DOCK10: variants seen among roughly 807,000 people sequenced by gnomAD.
The protein encoded by DOCK10 is dedicator of cytokinesis protein 10.
Under a neutral mutation model 280.1 loss-of-function variants are expected in DOCK10, and 145 were observed. The observed-to-expected ratio is 0.52, with a 90% CI of 0.45 to 0.59. The LOEUF is 0.59. Among genes scored for constraint, DOCK10 ranks in the 20% least tolerant of loss-of-function variants. The pLI is 0.00. For synonymous variants in DOCK10, 915 were observed against 942.2 expected, an observed-to-expected ratio of 0.97 and a Z score of 0.53; for missense variants, 2,368 against 2,651.7, an observed-to-expected ratio of 0.89 and a Z score of 2.35.
At position 224,834,309 on chromosome 2, in the gene DOCK10, T is replaced by C. The variant is rs775251645; in HGVS notation, c.2851-46A>G. 16 of 1,119,172 alleles carry C rather than the reference T, an allele frequency of 1.4e-5. No homozygotes were observed. The Middle Eastern group carries it at 7.8e-4, about 55-fold the overall frequency. 69.3% of individuals were successfully genotyped at this position (1,119,172 alleles called of 1,614,324 possible). A position where few individuals can be genotyped will look rare whatever the true frequency, so the allele number is the denominator to read the frequency against. The stretch of plus-strand genomic sequence containing the variant: ...GAATAAAGTTAAATACTTTGAAAAA[T>C]GAAGCTTCAAAAACTATGTCATGTG... On this transcript the variant is annotated intron_variant, in intron 25 of 55. Transcript: ENST00000258390.
intron 3 of DOCK10, among the ~76,000 whole-genome samples, chr2:224,907,494 T>C (rs1019460760): frequency 3.9e-5 from 6 of 152,128 alleles, no homozygotes; most frequent in African/African-American, 1.4e-4. Context: ...AAGACCATCC[T>C]GGCTAACATG....
In DOCK10 at chr2:224,970,357, C is replaced by T. The variant is rs967044279; in HGVS notation, c.124-38689G>A. Among the ~76,000 whole-genome samples, 4 of 152,176 alleles carry T rather than the reference C, an allele frequency of 2.6e-5. No homozygotes were observed. The highest frequency in any genetic ancestry group is 9.7e-5 in the African/African-American group (4 of 41,424). On this transcript the variant is annotated intron_variant, in intron 1 of 55. Transcript: ENST00000258390. The surrounding 1 kb of genome is among the most constrained non-coding windows in gnomAD (Gnocchi z 4.6). Reference sequence around the variant, plus strand: ...CCAACAGCTTTGTGAGGAATCCCCACCATGCTGCAAATAAGGACACTGAGG... The same window carrying T: ...CCAACAGCTTTGTGAGGAATCCCCATCATGCTGCAAATAAGGACACTGAGG...
chr2:224,855,054 C>CATGAG lies in DOCK10; in HGVS notation c.1809-17_1809-13dup. 1 of 1,366,748 alleles carries CATGAG rather than the reference C, an allele frequency of 7.3e-7. No individual in the cohort carries two copies. The highest frequency in any genetic ancestry group is 1.2e-5 in the South Asian group (1 of 82,340). The allele number at this position is 1,366,748 out of a possible 1,614,324, so 84.7% of individuals were successfully genotyped here. ...TTATTCTGTCGGCCCTGTAAGAGTG[C>CATGAG]ATGAGCAAGGACACACACACACACA... On this transcript the variant is annotated splice_polypyrimidine_tract_variant and intron_variant, in intron 15 of 55. Coordinates refer to ENST00000258390, the MANE Select transcript of DOCK10 (RefSeq NM_014689.3).
In DOCK10 at chr2:224,864,600, T is replaced by C. The variant is rs188848151; in HGVS notation, c.1555A>G (p.Ile519Val). Reference sequence around the variant, plus strand: ...ATATAAGGTTCGGCACCACTTGCAATGTTTCCCATCAAGACTTTTTCGATT... The same window carrying C: ...ATATAAGGTTCGGCACCACTTGCAACGTTTCCCATCAAGACTTTTTCGATT... Reference protein sequence around the residue: ...AKIEKVLMGNIASGAEPYIKN... With the variant: ...AKIEKVLMGNVASGAEPYIKN... Residue 519 changes from isoleucine to valine, a missense_variant, in exon 13 of 56, where the codon ATT (isoleucine) becomes GTT (valine). Around this residue, in one of 2 missense-constraint regions of DOCK10, gnomAD observed 1,209 missense variants for 1,250.9 expected, o/e 0.97. Coordinates refer to ENST00000258390, the MANE Select transcript of DOCK10 (RefSeq NM_014689.3). 4.2e-5 allele frequency: 68 copies of C among 1,613,318 alleles called. No homozygotes were observed. The East Asian group carries it at 1.4e-3, about 34-fold the overall frequency.
chr2:224,873,862 C>A, intron 11 of DOCK10, 134 bp downstream of exon 11: 1 of 866,486 alleles, frequency 1.2e-6, no homozygotes, highest in South Asian at 2.1e-5. Flanking sequence ...TGGGAAAAGG[C>A]TGTTAATAAT....
At chr2:224,875,487 C>A (rs1407444555) in intron 8 of DOCK10, among the ~76,000 whole-genome samples, 3 of 152,058 alleles carry the variant, frequency 2.0e-5, no homozygotes, top group African/African-American at 4.8e-5. Flanking sequence ...CTCTTGTTCC[C>A]TTCTCTTTGC....
chr2:224,946,809 A>G (rs779050180), intron 1 of DOCK10: 1 of 1,451,078 alleles, frequency 6.9e-7, no homozygotes. Context: ...GGATTGAAGG[A>G]AAGATGGAAA....
intron 8 of DOCK10, among the ~76,000 whole-genome samples, chr2:224,875,297 A>T (rs1471844312): frequency 6.6e-6 from 1 of 152,226 alleles, no homozygotes; most frequent in Non-Finnish European, 1.5e-5. Flanking sequence ...TTCACTCTAC[A>T]GCCTGAGACT....
At chr2:224,969,732 T>C (rs535022701) in intron 1 of DOCK10, among the ~76,000 whole-genome samples, 1 of 152,204 alleles carries the variant, frequency 6.6e-6, no homozygotes, top group South Asian at 2.1e-4. Flanking sequence ...TGAGACAAAA[T>C]AGGATGGCCA....
chr2:224,879,345 C>T (rs896450688), intron 7 of DOCK10, among the ~76,000 whole-genome samples: 6 of 152,220 alleles, frequency 3.9e-5, no homozygotes, highest in African/African-American at 1.2e-4. Flanking sequence ...AAATCACCTG[C>T]GACCTTCACT....
intron 7 of DOCK10, among the ~76,000 whole-genome samples, chr2:224,881,871 C>T (rs1269677309): frequency 6.6e-6 from 1 of 152,216 alleles, no homozygotes; most frequent in African/African-American, 2.4e-5. Flanking sequence ...TGTAGGCAGG[C>T]ATTCTCCACG....
In DOCK10 at chr2:224,841,703, T is replaced by C. The variant is rs1695974101; in HGVS notation, c.2661+101A>G. On this transcript the variant is annotated intron_variant, in intron 23 of 55. Coordinates refer to ENST00000258390, the MANE Select transcript of DOCK10 (RefSeq NM_014689.3). ...TGATAAGGTATTAAAAAATCTTGAG[T>C]AATAATCATCTCCCAGTTTGCCCAT... The C allele has an allele frequency of 4.3e-6, 3 of 696,990 alleles. No homozygotes were observed. The East Asian group carries it at 7.5e-5, about 17-fold the overall frequency. The allele number at this position is 696,990 out of a possible 1,614,324, so 43.2% of individuals were successfully genotyped here. A position where few individuals can be genotyped will look rare whatever the true frequency, so the allele number is the denominator to read the frequency against.
chr2:224,793,441 A>G lies in DOCK10; in HGVS notation c.5171T>C (p.Ile1724Thr), dbSNP rs372066560. Residue 1724 changes from isoleucine to threonine, a missense_variant, in exon 46 of 56, where the codon ATC becomes ACC. Around this residue, in one of 2 missense-constraint regions of DOCK10, gnomAD observed 1,159 missense variants for 1,400.8 expected, o/e 0.83. Coordinates refer to ENST00000258390, the MANE Select transcript of DOCK10 (RefSeq NM_014689.3). ...CTCTGCAATGAGAGCAGCAATATGG[A>G]TGTAACACATGGCAGCCTGTAATGA... ...GDLSEAAMCY[I>T]HIAALIAEYL... 2.0e-5 allele frequency: 33 copies of G among 1,613,338 alleles called. No homozygotes were observed. The highest frequency in any genetic ancestry group is 1.3e-4 in the African/African-American group (10 of 74,892).
chr2:224,852,826 T>C, intron 17 of DOCK10, 109 bp downstream of exon 17: 1 of 966,116 alleles, frequency 1.0e-6, no homozygotes, highest in Non-Finnish European at 1.5e-6. Context: ...CGGTTTTCTA[T>C]GACAGAGTGT....
chr2:224,961,039 C>T (rs1336419934), intron 1 of DOCK10, among the ~76,000 whole-genome samples: 1 of 152,070 alleles, frequency 6.6e-6, no homozygotes, highest in African/African-American at 2.4e-5. Context: ...CGCCCGGCCC[C>T]CATCACCAAA....
chr2:224,982,103 T>A (rs1257387097), intron 1 of DOCK10: 2 of 859,138 alleles, frequency 2.3e-6, no homozygotes, highest in African/African-American at 3.5e-5. Flanking sequence ...AAACTCTAGG[T>A]CACACATGCC....
chr2:224,804,987 T>A, intron 37 of DOCK10, 71 bp downstream of exon 37: 1 of 1,385,202 alleles, frequency 7.2e-7, no homozygotes, highest in African/African-American at 1.5e-5. Context: ...GTTCTTGAAA[T>A]GAAACATGGT....
At chr2:224,768,160 A>G (rs957493351) in intron 55 of DOCK10, among the ~76,000 whole-genome samples, 1 of 152,014 alleles carries the variant, frequency 6.6e-6, no homozygotes. Context: ...CAGGTGATCC[A>G]CCAGCCTCAG....
intron 1 of DOCK10, among the ~76,000 whole-genome samples, chr2:224,971,413 G>A (rs568083991): frequency 7.2e-5 from 11 of 152,122 alleles, no homozygotes; most frequent in East Asian, 5.8e-4. Context: ...GAATGGGCGC[G>A]GTTGCACTGT....
Sources: allele counts gnomAD v4.1 joint callset (sites outside exome capture counted in the v4.1 genomes callset), GRCh38; gene constraint gnomAD v4.1.1; regional missense constraint gnomAD v4.1.1; non-coding constraint Gnocchi (gnomAD v3.1); transcripts MANE v1.5; gene names NCBI Gene and HGNC (gene_info 2026-07-23, HGNC 2026-07-21).